Variants in MRE11 observed in about 807,000 individuals in gnomAD.
MRE11 encodes MRE11 double strand break repair nuclease.
In MRE11, 62 loss-of-function variants were observed where a neutral mutation model predicts 91.7. The ratio of observed to expected loss-of-function variants is 0.68; its 90% CI spans 0.55 to 0.84. The LOEUF (loss-of-function observed/expected upper bound fraction) is 0.84, where lower values mean the gene tolerates loss of function less well. MRE11 is among the 40% of genes least tolerant of loss of function. MRE11 has a pLI of 0.00. For missense variants in MRE11, 796 were observed against 852.9 expected (o/e 0.93, Z 0.83); for synonymous variants, 273 against 271.4 (o/e 1.01, Z -0.06).
intron 17 of MRE11, 79 bp downstream of exon 17, chr11:94,437,098 T>A (rs1945638305): frequency 7.9e-7 from 1 of 1,265,804 alleles, no homozygotes; most frequent in Middle Eastern, 2.2e-4. Flanking sequence ...TTTATTTACT[T>A]TGTAAATCAG....
chr11:94,423,393 G>T (rs1945225677), intron 19 of MRE11, among the ~76,000 whole-genome samples: 1 of 152,218 alleles, frequency 6.6e-6, no homozygotes, highest in Admixed American at 6.5e-5. Flanking sequence ...CAAACAGTAG[G>T]CAGAGACAGA....
intron 18 of MRE11, among the ~76,000 whole-genome samples, chr11:94,431,448 A>G (rs1204560335): frequency 6.6e-6 from 1 of 152,230 alleles, no homozygotes; most frequent in Non-Finnish European, 1.5e-5. Context: ...CAATCTGCCA[A>G]AGCTGATTTC....
At chr11:94,437,104 A>G in intron 17 of MRE11, 73 bp downstream of exon 17, 7 of 1,315,716 alleles carry the variant, frequency 5.3e-6, no homozygotes, top group South Asian at 1.3e-5. Context: ...TACTTTGTAA[A>G]TCAGAGAGTT....
At chr11:94,497,672 C>T (rs1212443204), upstream of MRE11, 1 of 162,938 alleles carries the variant, frequency 6.1e-6, no homozygotes, top group African/African-American at 2.4e-5. Context: ...AAGTTTCATA[C>T]AGTGTGTATA....
upstream of MRE11, chr11:94,497,150 A>G (rs1313701199): frequency 9.2e-6 from 6 of 652,676 alleles, no homozygotes; most frequent in African/African-American, 3.6e-5. Flanking sequence ...ATAATTATCT[A>G]TAAAGATAGC....
At chr11:94,497,293 A>C (rs1947429425), upstream of MRE11, 3 of 454,138 alleles carry the variant, frequency 6.6e-6, no homozygotes, top group Non-Finnish European at 1.2e-5. Context: ...TTTAATCATC[A>C]TGTATCCCTA....
At chr11:94,483,563 T>C (rs1947063853) in intron 4 of MRE11, among the ~76,000 whole-genome samples, 1 of 152,194 alleles carries the variant, frequency 6.6e-6, no homozygotes, top group Admixed American at 6.5e-5. Context: ...ATGTAAGACG[T>C]GACTTGCTCC....
Position 94,457,229 on chromosome 11 carries a change from T to A in MRE11, c.1501-891A>T, listed in dbSNP as rs13447679. Among the ~76,000 whole-genome samples the A allele has an allele frequency of 6.5e-3, 983 of 152,272 alleles. 15 individuals carry two copies. Among genetic ancestry groups the A allele is most frequent in the African/African-American group, 0.023 (940 of 41,558 alleles). On this transcript the variant is annotated intron_variant, in intron 13 of 19. Transcript: ENST00000323929. ...AAAGAAGGTCAAGTGAGATGTAAGA[T>A]AGAAAACTGACAGTGGATTTAGCAA... is the stretch of plus-strand genomic sequence containing the variant.
intron 10 of MRE11, among the ~76,000 whole-genome samples, chr11:94,465,982 G>A (rs7107508): frequency 0.13 from 19,953 of 152,054 alleles, 3,893 homozygotes; most frequent in African/African-American, 0.43. Context: ...TACAAAGTTG[G>A]ATGAGGACAC....
chr11:94,470,505 A>C lies in MRE11; in HGVS notation c.983T>G (p.Val328Gly), dbSNP rs587782314. Residue 328 changes from valine to glycine, a missense_variant, in exon 9 of 20, where the codon GTA becomes GGA. Transcript: ENST00000323929. Reference protein sequence around the residue: ...PDIFNPDNPKVTQAIQSFCLE... With the variant: ...PDIFNPDNPKGTQAIQSFCLE... ...ACAGAAGCTTTGTATGGCTTGGGTT[A>C]CTTTAGGATTATCTGGGTTAAAAAT... The C allele has an allele frequency of 1.9e-5, 30 of 1,613,028 alleles. No individual in the cohort carries two copies. Among genetic ancestry groups the C allele is most frequent in the Admixed American group, 3.3e-5 (2 of 59,938 alleles).
upstream of MRE11, chr11:94,496,927 T>G (rs764189969): frequency 2.9e-5 from 47 of 1,613,424 alleles, no homozygotes; most frequent in Non-Finnish European, 3.8e-5. Flanking sequence ...GCAGATTGCT[T>G]CTTTGGGCTG....
intron 3 of MRE11, among the ~76,000 whole-genome samples, chr11:94,487,939 T>C (rs111605183): frequency 2.0e-5 from 3 of 152,316 alleles, no homozygotes; most frequent in African/African-American, 7.2e-5. Context: ...GCCCACATAA[T>C]AAGGGACTTA....
intron 9 of MRE11, among the ~76,000 whole-genome samples, chr11:94,469,518 AGAGATTG>A (rs552496887): frequency 1.6e-4 from 25 of 152,150 alleles, no homozygotes; most frequent in Non-Finnish European, 3.7e-4. Context: ...CTTTGGCTTG[AGAGATTG>A]GATTTAGGGA....
In MRE11 at chr11:94,418,067, T is replaced by C. The variant is rs1347255921; in HGVS notation, c.*2058A>G. ...CTGCTTTCAAATCATCTGAAAGACT[T>C]CTACATTCCTATACCAACAGGTCTG... On this transcript the variant is annotated 3_prime_UTR_variant, in exon 20 of 20. Coordinates refer to ENST00000323929, the MANE Select transcript of MRE11 (RefSeq NM_005591.4). 1.7e-5 allele frequency: 4 copies of C among 232,996 alleles called. No homozygotes were observed. Among genetic ancestry groups the C allele is most frequent in the Non-Finnish European group, 2.5e-5 (3 of 117,998 alleles). The allele number at this position is 232,996 out of a possible 1,614,324, so 14.4% of individuals were successfully genotyped here. A position where few individuals can be genotyped will look rare whatever the true frequency, so the allele number is the denominator to read the frequency against.
chr11:94,465,383 C>T (rs1245303575), intron 10 of MRE11, among the ~76,000 whole-genome samples: 1 of 146,130 alleles, frequency 6.8e-6, no homozygotes, highest in African/African-American at 2.6e-5. Context: ...CCCAGACCAT[C>T]TCTCTCTCTC....
chr11:94,476,328 T>C lies in MRE11; in HGVS notation c.620A>G (p.Glu207Gly), dbSNP rs1472959295. Reference protein sequence around the residue: ...KVTMLRPKEDENSWFNLFVIH... With the variant: ...KVTMLRPKEDGNSWFNLFVIH... Reference sequence around the variant, plus strand: ...CACAAATAAGTTAAACCAAGAGTTCTCATCTTCCTTTGGTCTCAACATTGT... The same window carrying C: ...CACAAATAAGTTAAACCAAGAGTTCCCATCTTCCTTTGGTCTCAACATTGT... The change falls in exon 7 of 20, where the codon GAG becomes GGG. Residue 207 changes from glutamate (E) to glycine (G), a missense_variant. Transcript: ENST00000323929. The C allele has an allele frequency of 2.5e-6, 4 of 1,613,462 alleles. No homozygotes were observed. Among genetic ancestry groups the C allele is most frequent in the Non-Finnish European group, 3.4e-6 (4 of 1,179,544 alleles).
chr11:94,482,833 G>A (rs1947046616), intron 4 of MRE11, among the ~76,000 whole-genome samples: 1 of 152,162 alleles, frequency 6.6e-6, no homozygotes, highest in Non-Finnish European at 1.5e-5. Context: ...AGCTACTCAG[G>A]AGGCTGAGGC....
At chr11:94,497,244 A>G, upstream of MRE11, 1 of 521,926 alleles carries the variant, frequency 1.9e-6, no homozygotes, top group Non-Finnish European at 3.4e-6. Flanking sequence ...AACATTTATT[A>G]AAAACTAACT....
Position 94,428,638 on chromosome 11 carries a change from T to C in MRE11, c.2070+1273A>G, listed in dbSNP as rs112424769. 6.9e-3 allele frequency among the ~76,000 whole-genome samples: 1,056 copies of C among 151,972 alleles called. 15 individuals are homozygous for C. The highest frequency in any genetic ancestry group is 0.023 in the African/African-American group (961 of 41,438). ...CAGCACTTTGGGAGGCCGAGGCAGGTGGATCATAAGGTCAGGAGTTTGAGA... is the reference window on the plus strand; with the variant it reads ...CAGCACTTTGGGAGGCCGAGGCAGGCGGATCATAAGGTCAGGAGTTTGAGA... On this transcript the variant is annotated intron_variant, in intron 19 of 19. Coordinates refer to ENST00000323929, the MANE Select transcript of MRE11 (RefSeq NM_005591.4).
Sources: allele counts gnomAD v4.1 joint callset (sites outside exome capture counted in the v4.1 genomes callset), GRCh38; gene constraint gnomAD v4.1.1; transcripts MANE v1.5; gene names NCBI Gene and HGNC (gene_info 2026-07-23, HGNC 2026-07-21).